SOX5: variants seen among roughly 807,000 people sequenced by gnomAD.
The protein encoded by SOX5 is transcription factor SOX-5.
Under a neutral mutation model 92.0 loss-of-function variants are expected in SOX5, and 9 were observed. The observed-to-expected ratio is 0.10, with a 90% CI of 0.06 to 0.17. The LOEUF (loss-of-function observed/expected upper bound fraction) is 0.17, where lower values mean the gene tolerates loss of function less well. SOX5 is among the 10% of genes least tolerant of loss of function. The pLI, the probability that SOX5 is intolerant of heterozygous loss-of-function variation, is 1.00. For synonymous variants in SOX5, 344 were observed against 336.3 expected (o/e 1.02, Z -0.25); for missense variants, 642 against 944.5 (o/e 0.68, Z 4.20).
rs71059931 is a variant in SOX5, at chr12:23,843,554, C to CTTTTTTTTTTTTTTTTTTTT, written c.481+2409_481+2428dup. Among the ~76,000 whole-genome samples the CTTTTTTTTTTTTTTTTTTTT allele has an allele frequency of 5.6e-5, 4 of 71,304 alleles. 1 individual carries two copies. Among genetic ancestry groups the CTTTTTTTTTTTTTTTTTTTT allele is most frequent in the East Asian group, 1.2e-3 (2 of 1,616 alleles). 46.8% of individuals were successfully genotyped at this position (71,304 alleles called of 152,430 possible). ...TCAGAATATTTGACAGTCATTTCTC[C>CTTTTTTTTTTTTTTTTTTTT]TTTTTTTTTTTTTTTTTTTTTTTTT... On this transcript the variant is annotated intron_variant, in intron 3 of 14. Transcript: ENST00000451604.
At chr12:23,762,608 A>G in intron 3 of SOX5, 1 of 426,204 alleles carries the variant, frequency 2.3e-6, no homozygotes. Context: ...CTGTTAATAC[A>G]AAAAGAAAAA....
intron 8 of SOX5, among the ~76,000 whole-genome samples, chr12:23,622,772 T>C (rs2077334884): frequency 6.6e-6 from 1 of 152,166 alleles, no homozygotes. Flanking sequence ...TGGTAAATAT[T>C]ATTACTATTA....
At chr12:24,429,269 A>G (rs866278927) in intron 1 of SOX5, among the ~76,000 whole-genome samples, 14 of 152,178 alleles carry the variant, frequency 9.2e-5, no homozygotes, top group Middle Eastern at 3.4e-3. Flanking sequence ...GTGAGCCAAG[A>G]CTGCCCCACT....
At chr12:24,085,972 G>T (rs2137684075) in intron 4 of SOX5, among the ~76,000 whole-genome samples, 1 of 146,568 alleles carries the variant, frequency 6.8e-6, no homozygotes, top group East Asian at 2.1e-4. Context: ...AAAAAAAAAA[G>T]TATTTGAAAT....
chr12:23,737,995 T>C (rs1342076128), intron 5 of SOX5, among the ~76,000 whole-genome samples: 1 of 152,250 alleles, frequency 6.6e-6, no homozygotes, highest in Admixed American at 6.5e-5. Context: ...TACAGTTTAC[T>C]GGTTTACTTA....
intron 1 of SOX5, among the ~76,000 whole-genome samples, chr12:23,923,360 T>G (rs979266250): frequency 4.6e-5 from 7 of 151,798 alleles, no homozygotes; most frequent in African/African-American, 1.7e-4. Context: ...AAGCTAATAA[T>G]TAAAAGAAAT....
intron 2 of SOX5, among the ~76,000 whole-genome samples, chr12:24,355,928 T>G (rs191799806): frequency 2.0e-5 from 3 of 152,216 alleles, no homozygotes; most frequent in Non-Finnish European, 2.9e-5. Flanking sequence ...ATGTCTGATT[T>G]AGGCATTTCA....
chr12:24,327,385 C>CTTTTTTTTTTTTTTT (rs71063311), intron 2 of SOX5, among the ~76,000 whole-genome samples: 2 of 56,690 alleles, frequency 3.5e-5, no homozygotes, highest in Non-Finnish European at 6.5e-5. Flanking sequence ...GCAATGGAGA[C>CTTTTTTTTTTTTTTT]TTTTTTTTTT....
At chr12:23,934,800 T>C (rs1392762988) in intron 1 of SOX5, among the ~76,000 whole-genome samples, 1 of 151,278 alleles carries the variant, frequency 6.6e-6, no homozygotes, top group Non-Finnish European at 1.5e-5. Context: ...ACCTATAATA[T>C]GGGAATAATT....
In SOX5 at chr12:23,931,631, C is replaced by A. The variant is rs541761915; in HGVS notation, c.38+17933G>T. Among the ~76,000 whole-genome samples the A allele has an allele frequency of 5.7e-4, 86 of 151,744 alleles. 1 individual carries two copies. The highest frequency in any genetic ancestry group is 2.1e-3 in the African/African-American group (86 of 41,472). ...AAAAGAGAATAGCCTGTACTTGCTTCTAATTTTTTTCAAAATTTATTAAAT... is the reference window on the plus strand; with the variant it reads ...AAAAGAGAATAGCCTGTACTTGCTTATAATTTTTTTCAAAATTTATTAAAT... On this transcript the variant is annotated intron_variant, in intron 1 of 14. Coordinates refer to ENST00000451604, the MANE Select transcript of SOX5 (RefSeq NM_006940.6).
intron 1 of SOX5, among the ~76,000 whole-genome samples, chr12:23,934,413 TATG>T (rs1192015908): frequency 6.7e-6 from 1 of 149,774 alleles, no homozygotes; most frequent in Non-Finnish European, 1.5e-5. Context: ...GTATATCACA[TATG>T]ATGTGTATAT....
At chr12:24,453,784 A>G (rs1422303632) in intron 1 of SOX5, among the ~76,000 whole-genome samples, 1 of 152,188 alleles carries the variant, frequency 6.6e-6, no homozygotes, top group Non-Finnish European at 1.5e-5. Flanking sequence ...ACAAAACAAG[A>G]GCCAATTTTC....
intron 8 of SOX5, among the ~76,000 whole-genome samples, chr12:23,628,514 A>G (rs900527846): frequency 6.6e-6 from 1 of 152,134 alleles, no homozygotes; most frequent in African/African-American, 2.4e-5. Flanking sequence ...TGTAATTTTC[A>G]TGTTAGAGGC....
At chr12:24,038,165 T>C (rs538908424) in intron 4 of SOX5, among the ~76,000 whole-genome samples, 7 of 151,824 alleles carry the variant, frequency 4.6e-5, no homozygotes, top group Non-Finnish European at 1.0e-4. Context: ...GATAAAAGAG[T>C]CCCAAATAAA....
In SOX5 at chr12:23,957,765, C is replaced by T. The variant is rs138761855; in HGVS notation, c.-1-61741G>A. On this transcript the variant is annotated intron_variant, in intron 4 of 4. Coordinates refer to the SOX5 transcript ENST00000446891. ...ATGCACAGGATGAAAATATAATATA[C>T]GCATTACCAAATGAATGTAATCATT... 1.2e-3 allele frequency among the ~76,000 whole-genome samples: 182 copies of T among 152,076 alleles called. 1 individual carries two copies. Among genetic ancestry groups the T allele is most frequent in the African/African-American group, 4.0e-3 (167 of 41,488 alleles).
At chr12:23,750,917 G>A (rs2094160520) in intron 4 of SOX5, among the ~76,000 whole-genome samples, 1 of 151,838 alleles carries the variant, frequency 6.6e-6, no homozygotes. Flanking sequence ...GGCGTCATGA[G>A]ACGGAGCAAA....
At chr12:24,443,252 C>A (rs1940939803) in intron 1 of SOX5, among the ~76,000 whole-genome samples, 1 of 152,124 alleles carries the variant, frequency 6.6e-6, no homozygotes, top group Non-Finnish European at 1.5e-5. Context: ...CACGCCCGGC[C>A]AGTTTATGGA....
chr12:23,694,056 G>T (rs1048033499), intron 6 of SOX5, among the ~76,000 whole-genome samples: 3 of 152,068 alleles, frequency 2.0e-5, no homozygotes, highest in Non-Finnish European at 4.4e-5. Context: ...GCAATTTTAG[G>T]CTAATAGTTA....
At chr12:24,339,810 C>G (rs11047378) in intron 2 of SOX5, among the ~76,000 whole-genome samples, 2 of 152,140 alleles carry the variant, frequency 1.3e-5, no homozygotes, top group African/African-American at 4.8e-5. Flanking sequence ...AGGAACCAGA[C>G]AGTCATTTCC....
Sources: allele counts gnomAD v4.1 joint callset (sites outside exome capture counted in the v4.1 genomes callset), GRCh38; gene constraint gnomAD v4.1.1; transcripts MANE v1.5; gene names NCBI Gene and HGNC (gene_info 2026-07-23, HGNC 2026-07-21).